OTUB1: variants seen among roughly 807,000 people sequenced by gnomAD.
The protein encoded by OTUB1 is ubiquitin thioesterase OTUB1.
OTUB1 carries 10 observed loss-of-function variants against 35.8 expected under a neutral mutation model. That is an observed-to-expected ratio of 0.28 (90% confidence interval 0.17 to 0.47). The LOEUF (loss-of-function observed/expected upper bound fraction) is 0.47, where lower values mean the gene tolerates loss of function less well. Among genes scored for constraint, OTUB1 ranks in the 20% least tolerant of loss-of-function variants. OTUB1 has a pLI of 0.99. For missense variants in OTUB1, 264 were observed against 351.6 expected (o/e 0.75, Z 1.99); for synonymous variants, 158 against 143.8 (o/e 1.10, Z -0.71).
Position 63,986,726 on chromosome 11 carries a change from C to A in OTUB1, c.58+212C>A, listed in dbSNP as rs939527419. ...CGGGAGGGAGCACGGGCGAGGCGGG[C>A]CAAGGCCCGCGGCCCTTCTCCATCG... is the stretch of plus-strand genomic sequence containing the variant. On this transcript the variant is annotated intron_variant, in intron 1 of 6. Transcript: ENST00000538426. 25 of 538,082 alleles carry A rather than the reference C, an allele frequency of 4.6e-5. No homozygotes were observed. In the Admixed American group the frequency reaches 8.2e-4, roughly 18 times the overall value. The allele number at this position is 538,082 out of a possible 1,614,324, so 33.3% of individuals were successfully genotyped here.
intron 3 of OTUB1, chr11:63,989,736 A>AG (rs1480774012): frequency 6.7e-6 from 1 of 148,954 alleles, no homozygotes; most frequent in African/African-American, 2.5e-5. Context: ...AAAAAAAAAA[A>AG]AAAAAAAGGC....
chr11:63,991,501 G>T (rs183850559), intron 3 of OTUB1, among the ~76,000 whole-genome samples: 1 of 152,192 alleles, frequency 6.6e-6, no homozygotes, highest in Non-Finnish European at 1.5e-5. Context: ...CCCAGCACCC[G>T]CATTCTGTAT....
chr11:63,996,409 C>A, intron 3 of OTUB1, 121 bp from the exon 4 acceptor site: 1 of 1,015,290 alleles, frequency 9.8e-7, no homozygotes, highest in Non-Finnish European at 1.5e-6. Flanking sequence ...CCCAGGGTGG[C>A]AGGTGGCTGC....
Position 63,989,124 on chromosome 11 carries a change from A to C in OTUB1, c.219+372A>C, listed in dbSNP as rs537727377. On this transcript the variant is annotated intron_variant, in intron 3 of 6. Transcript: ENST00000538426. The stretch of plus-strand genomic sequence containing the variant: ...CCCCTGAGGTCAGGAGTTCGAGACC[A>C]GTCTGGCTGATATGGTGAAACCCCA... 9 of 174,438 alleles carry C rather than the reference A, an allele frequency of 5.2e-5. No individual in the cohort carries two copies. In the South Asian group the frequency reaches 1.3e-3, roughly 24 times the overall value. The allele number at this position is 174,438 out of a possible 1,614,324, so 10.8% of individuals were successfully genotyped here.
intron 1 of OTUB1, among the ~76,000 whole-genome samples, chr11:63,987,387 A>C (rs771446671): frequency 6.6e-6 from 1 of 152,192 alleles, no homozygotes; most frequent in Non-Finnish European, 1.5e-5. Context: ...ATTAAGAGAG[A>C]GCCAGGACTA....
rs762687869 is a variant in OTUB1, at chr11:63,997,077, A to G, written c.451A>G (p.Lys151Glu). Residue 151 changes from lysine (K) to glutamate (E), a missense_variant, in exon 6 of 7, where the codon AAG (lysine) becomes GAG (glutamate). Lys to Glu is a moderately conservative substitution (Grantham distance 56). Around this residue, in one of 2 missense-constraint regions of OTUB1, gnomAD observed 214 missense variants for 317.1 expected, o/e 0.67. Transcript: ENST00000538426. Reference sequence around the variant, plus strand: ...CATGGACCTGATTGAGCAGGTGGAGAAGCAGACCTCTGTCGCCGACCTGCT... The same window carrying G: ...CATGGACCTGATTGAGCAGGTGGAGGAGCAGACCTCTGTCGCCGACCTGCT... ...TFMDLIEQVE[K>E]QTSVADLLAS... 2 of 1,614,042 alleles carry G rather than the reference A, an allele frequency of 1.2e-6. No individual in the cohort carries two copies. The highest frequency in any genetic ancestry group is 2.2e-5 in the South Asian group (2 of 91,082).
chr11:63,996,694 T>TAGGATGGGCA (rs1942720755), intron 4 of OTUB1, 46 bp downstream of exon 4: 1 of 1,613,756 alleles, frequency 6.2e-7, no homozygotes, highest in Admixed American at 1.7e-5. Context: ...GGTGTCTACC[T>TAGGATGGGCA]CCTCCCCGGG....
chr11:63,986,749 T>A (rs1942623966), intron 1 of OTUB1: 1 of 508,230 alleles, frequency 2.0e-6, no homozygotes, highest in Admixed American at 3.8e-5. Flanking sequence ...CCCTTCTCCA[T>A]CGTGTGCGCC....
intron 3 of OTUB1, among the ~76,000 whole-genome samples, chr11:63,993,293 G>C (rs1388095513): frequency 6.6e-6 from 1 of 152,160 alleles, no homozygotes; most frequent in African/African-American, 2.4e-5. Flanking sequence ...TTCAGAGGAG[G>C]TGTGGTGAGG....
In OTUB1 at chr11:63,997,644, C is replaced by A; in HGVS notation, c.*98C>A. ...TGGTTGTAAATGGTCCTATTTCACCCCCTTCTTCCTGTCACATGACCCCCC... is the reference window on the plus strand; with the variant it reads ...TGGTTGTAAATGGTCCTATTTCACCACCTTCTTCCTGTCACATGACCCCCC... On this transcript the variant is annotated 3_prime_UTR_variant, in exon 7 of 7. Coordinates refer to ENST00000538426, the MANE Select transcript of OTUB1 (RefSeq NM_017670.3). The A allele has an allele frequency of 9.8e-7, 1 of 1,023,432 alleles. No homozygotes were observed. Among genetic ancestry groups the A allele is most frequent in the African/African-American group, 1.6e-5 (1 of 63,052 alleles). The allele number at this position is 1,023,432 out of a possible 1,614,324, so 63.4% of individuals were successfully genotyped here. A position where few individuals can be genotyped will look rare whatever the true frequency, so the allele number is the denominator to read the frequency against.
chr11:63,990,511 T>C (rs1325136713), intron 3 of OTUB1: 2 of 150,874 alleles, frequency 1.3e-5, no homozygotes, highest in African/African-American at 2.5e-5. Flanking sequence ...GGTTGGAGGA[T>C]CACTTGAGCC....
Position 63,988,270 on chromosome 11 carries a change from G to A in OTUB1, c.59-67G>A, listed in dbSNP as rs374524419. 6 of 1,359,954 alleles carry A rather than the reference G, an allele frequency of 4.4e-6. No homozygotes were observed. In the South Asian group the frequency reaches 6.3e-5, roughly 14 times the overall value. 84.2% of individuals were successfully genotyped at this position (1,359,954 alleles called of 1,614,324 possible). A position where few individuals can be genotyped will look rare whatever the true frequency, so the allele number is the denominator to read the frequency against. On this transcript the variant is annotated intron_variant, in intron 1 of 6. Coordinates refer to ENST00000538426, the MANE Select transcript of OTUB1 (RefSeq NM_017670.3). ...CTGACCCTGGGCTGCTCTTGTCCCT[G>A]GCCCAGCTGCCTGCAGTGGAGATGG...
Position 63,997,682 on chromosome 11 carries a change from T to A in OTUB1, c.*136T>A. The A allele has an allele frequency of 2.6e-6, 2 of 760,064 alleles. No individual in the cohort carries two copies. Among genetic ancestry groups the A allele is most frequent in the Non-Finnish European group, 4.6e-6 (2 of 436,994 alleles). 47.1% of individuals were successfully genotyped at this position (760,064 alleles called of 1,614,324 possible). ...CACATGACCCCCCCCCATGTTTTAT[T>A]AAAGGGGGTGCTGGTGGTGAGCCGT... On this transcript the variant is annotated 3_prime_UTR_variant, in exon 7 of 7. Coordinates refer to ENST00000538426, the MANE Select transcript of OTUB1 (RefSeq NM_017670.3).
intron 3 of OTUB1, chr11:63,990,630 C>T (rs1179471516): frequency 2.2e-5 from 3 of 137,988 alleles, no homozygotes; most frequent in Non-Finnish European, 4.6e-5. Context: ...ATAAATGTGA[C>T]AATGGGTGTG....
chr11:63,991,150 G>A (rs1182093223), intron 3 of OTUB1, among the ~76,000 whole-genome samples: 1 of 152,176 alleles, frequency 6.6e-6, no homozygotes, highest in African/African-American at 2.4e-5. Context: ...TTTGAGCTGT[G>A]TGATCTCGGG....
chr11:63,996,944 G>T lies in OTUB1; in HGVS notation c.423+3G>T, dbSNP rs1942724857. ...CAATTGAGGATTTCCACAACACGGT[G>T]AGCCCTGGTGCCTGTCTTGGGCTGG... On this transcript the variant is annotated splice_donor_region_variant and intron_variant, in intron 5 of 6. Transcript: ENST00000538426. 6.2e-7 allele frequency: 1 copy of T among 1,613,856 alleles called. No individual in the cohort carries two copies. Among genetic ancestry groups the T allele is most frequent in the Non-Finnish European group, 8.5e-7 (1 of 1,179,934 alleles).
intron 4 of OTUB1, 65 bp from the exon 5 acceptor site, chr11:63,996,792 T>G (rs1194904965): frequency 6.2e-7 from 1 of 1,610,472 alleles, no homozygotes; most frequent in South Asian, 1.1e-5. Flanking sequence ...CAGTGCTGTC[T>G]CGGCCCTGGC....
intron 4 of OTUB1, 44 bp downstream of exon 4, chr11:63,996,692 C>T (rs758103220): frequency 4.3e-6 from 7 of 1,614,006 alleles, no homozygotes; most frequent in Admixed American, 1.7e-5. Context: ...TGGGTGTCTA[C>T]CTCCTCCCCG....
chr11:63,997,789 C>CCTAT lies in OTUB1; in HGVS notation c.*247_*250dup, dbSNP rs921463819. 28 of 700,382 alleles carry CCTAT rather than the reference C, an allele frequency of 4.0e-5. No individual in the cohort carries two copies. Among genetic ancestry groups the CCTAT allele is most frequent in the African/African-American group, 1.1e-4 (6 of 57,134 alleles). The allele number at this position is 700,382 out of a possible 1,614,324, so 43.4% of individuals were successfully genotyped here. ...CCCAGGTGGGTCCCCCTGCTTTTCA[C>CCTAT]CTATCTACTCCTGAGCTTCCCCAAC... On this transcript the variant is annotated 3_prime_UTR_variant, in exon 7 of 7. Transcript: ENST00000538426.
Sources: gnomAD v4.1 joint callset for allele counts (sites outside exome capture counted in the v4.1 genomes callset) on GRCh38, gnomAD v4.1.1 for gene constraint, gnomAD v4.1.1 regional missense constraint, MANE v1.5 for transcripts, NCBI Gene and HGNC (gene_info 2026-07-23, HGNC 2026-07-21) for gene names.